Variants in C4orf36 observed in about 807,000 individuals in gnomAD.
C4orf36 encodes the protein chromosome 4 open reading frame 36, also known as uncharacterized protein C4orf36.
In C4orf36, 11 loss-of-function variants were observed where a neutral mutation model predicts 12.2. The ratio of observed to expected loss-of-function variants is 0.90; its 90% confidence interval spans 0.57 to 1.49. The LOEUF (loss-of-function observed/expected upper bound fraction) is 1.49, where lower values mean the gene tolerates loss of function less well. C4orf36 is among the 40% of genes most tolerant of loss of function. The pLI is 0.00. For synonymous variants in C4orf36, 54 were observed against 51.3 expected (o/e 1.05, Z -0.22); for missense variants, 137 against 133.9 (o/e 1.02, Z -0.11).
At chr4:86,923,180 C>A in the C4orf36 span, among the ~76,000 whole-genome samples, 1 of 151,670 alleles carries the variant, frequency 6.6e-6, no homozygotes, top group African/African-American at 2.4e-5. Context: ...CAGCCTCAAC[C>A]TCCTAGGTTC....
the C4orf36 span, among the ~76,000 whole-genome samples, chr4:86,916,435 T>G: frequency 6.7e-6 from 1 of 150,172 alleles, no homozygotes; most frequent in Non-Finnish European, 1.5e-5. Flanking sequence ...AATAAAGTGG[T>G]CATGATGGCA....
At chr4:86,876,756 A>C (rs955678779) in intron 4 of C4orf36, 13 of 1,482,302 alleles carry the variant, frequency 8.8e-6, no homozygotes, top group Non-Finnish European at 1.1e-5. Flanking sequence ...TCCAAGTAAA[A>C]TTAAAATAAA....
the C4orf36 span, among the ~76,000 whole-genome samples, chr4:86,932,744 T>C: frequency 8.7e-6 from 1 of 114,980 alleles, no homozygotes; most frequent in Non-Finnish European, 1.6e-5. Flanking sequence ...CCCATCATCA[T>C]ATTTAAAAGG....
intron 1 of C4orf36, 36 bp downstream of exon 1, chr4:86,892,147 G>C: frequency 1.0e-6 from 1 of 985,616 alleles, no homozygotes; most frequent in Non-Finnish European, 1.2e-6. Context: ...AGCCCGCGGA[G>C]AAGGGAACGG....
the C4orf36 span, among the ~76,000 whole-genome samples, chr4:86,901,415 T>A: frequency 4.0e-4 from 61 of 151,900 alleles, no homozygotes; most frequent in African/African-American, 1.3e-3. Context: ...TTTATTTATT[T>A]TTTATTTTTT....
the C4orf36 span, chr4:86,936,191 C>T: frequency 2.6e-5 from 4 of 152,314 alleles, no homozygotes; most frequent in East Asian, 1.9e-4. Flanking sequence ...GGGGGAAAGG[C>T]CTTGCAGCCA....
At chr4:86,905,042 T>A in the C4orf36 span, among the ~76,000 whole-genome samples, 2 of 151,122 alleles carry the variant, frequency 1.3e-5, no homozygotes, top group Non-Finnish European at 3.0e-5. Flanking sequence ...TCGAGACCAG[T>A]CTAGGCAACA....
At chr4:86,930,064 T>C in the C4orf36 span, among the ~76,000 whole-genome samples, 1 of 152,240 alleles carries the variant, frequency 6.6e-6, no homozygotes, top group African/African-American at 2.4e-5. Context: ...TGCTGAGTTC[T>C]TGAAGTTGTG....
Position 86,887,874 on chromosome 4 carries a change from C to T in C4orf36, c.240G>A (p.Glu80=), listed in dbSNP as rs1747239456. 1.2e-6 allele frequency: 2 copies of T among 1,614,012 alleles called. No individual in the cohort carries two copies. Among genetic ancestry groups the T allele is most frequent in the African/African-American group, 1.3e-5 (1 of 74,932 alleles). Residue 80 remains glutamate, a synonymous_variant, in exon 4 of 5, where the codon GAG becomes GAA. Transcript: ENST00000295898. ...PSAESIKLER[E]YEVKRLCKLK... The stretch of plus-strand genomic sequence containing the variant: ...GTTTACAAAGACGCTTCACTTCATA[C>T]TCCCTTTCGAGTTTGATAGCTGAAA...
At chr4:86,934,916 C>A in the C4orf36 span, 1 of 151,276 alleles carries the variant, frequency 6.6e-6, no homozygotes, top group Admixed American at 6.6e-5. Flanking sequence ...GGGCGGAACC[C>A]GGTACCGCAG....
At chr4:86,915,968 G>C in the C4orf36 span, among the ~76,000 whole-genome samples, 1 of 152,180 alleles carries the variant, frequency 6.6e-6, no homozygotes, top group Non-Finnish European at 1.5e-5. Flanking sequence ...CTAGAGGCTT[G>C]AGAGACAGCA....
chr4:86,935,443 A>T, the C4orf36 span: 1 of 152,456 alleles, frequency 6.6e-6, no homozygotes, highest in East Asian at 1.9e-4. Context: ...TCACCGCCCT[A>T]CTTGCGATCC....
At chr4:86,880,402 C>G (rs926547126) in intron 4 of C4orf36, among the ~76,000 whole-genome samples, 21 of 151,906 alleles carry the variant, frequency 1.4e-4, no homozygotes, top group African/African-American at 4.8e-4. Context: ...TGCAGTAAGC[C>G]AAGATTGCGC....
chr4:86,925,138 C>T, the C4orf36 span: 1 of 152,228 alleles, frequency 6.6e-6, no homozygotes, highest in African/African-American at 2.4e-5. Flanking sequence ...CAACCACCTC[C>T]CACCAGGCCC....
chr4:86,889,029 A>G (rs779252511), intron 2 of C4orf36, among the ~76,000 whole-genome samples: 1 of 152,156 alleles, frequency 6.6e-6, no homozygotes, highest in Non-Finnish European at 1.5e-5. Context: ...GAAGTGTTGA[A>G]GTGTCATTCG....
At chr4:86,896,153 GA>G (rs1747585693), upstream of C4orf36, among the ~76,000 whole-genome samples, 1 of 152,100 alleles carries the variant, frequency 6.6e-6, no homozygotes, top group Non-Finnish European at 1.5e-5. Flanking sequence ...CCTCAACCAC[GA>G]ATAACTTTTC....
At chr4:86,899,513 C>A in the C4orf36 span, among the ~76,000 whole-genome samples, 1 of 152,058 alleles carries the variant, frequency 6.6e-6, no homozygotes, top group Non-Finnish European at 1.5e-5. Flanking sequence ...GTTTCTAAAT[C>A]TGGTATTCCA....
chr4:86,921,638 A>G, the C4orf36 span, among the ~76,000 whole-genome samples: 1 of 152,176 alleles, frequency 6.6e-6, no homozygotes, highest in Non-Finnish European at 1.5e-5. Flanking sequence ...CAGTATTAAA[A>G]TTTTTTAATT....
rs1212520776 is a variant in C4orf36, at chr4:86,892,178, CACA to C, written c.-74+2_-74+4del. ...AACGGCCTCAGCCTCGGCTCCTTCC[CACA>C]CCTGGGCCCCACCCTGCCTCCGACT... On this transcript the variant is annotated splice_donor_variant and splice_donor_region_variant and intron_variant, in intron 1 of 4. Transcript: ENST00000295898. LOFTEE classifies it low-confidence loss of function (5UTR_SPLICE). The C allele has an allele frequency of 4.7e-5, 46 of 985,470 alleles. No homozygotes were observed. Among genetic ancestry groups the C allele is most frequent in the Middle Eastern group, 5.2e-4 (1 of 1,936 alleles). The allele number at this position is 985,470 out of a possible 1,614,324, so 61.0% of individuals were successfully genotyped here.
Sources: allele counts gnomAD v4.1 joint callset (sites outside exome capture counted in the v4.1 genomes callset), GRCh38; gene constraint gnomAD v4.1.1; transcripts MANE v1.5; gene names NCBI Gene and HGNC (gene_info 2026-07-23, HGNC 2026-07-21).